Variants in CNRIP1 observed in about 807,000 individuals in gnomAD.
CNRIP1 encodes CB1 cannabinoid receptor-interacting protein 1.
CNRIP1 carries 10 observed loss-of-function variants against 15.2 expected under a neutral mutation model. That is an observed-to-expected ratio of 0.66 (90% CI 0.41 to 1.12). The LOEUF (loss-of-function observed/expected upper bound fraction) is 1.12. CNRIP1 is among the 50% of genes most tolerant of loss of function. The probability of loss-of-function intolerance (pLI) is 0.00; values close to 1 mark genes in which losing one functional copy is unlikely to be tolerated. For missense variants in CNRIP1, 211 were observed against 214.7 expected (o/e 0.98, Z 0.11); for synonymous variants, 91 against 83.2 (o/e 1.09, Z -0.51).
intron 2 of CNRIP1, among the ~76,000 whole-genome samples, chr2:68,306,321 C>CAAA (rs35066190): frequency 1.0e-3 from 90 of 85,738 alleles, no homozygotes; most frequent in African/African-American, 3.6e-3. Context: ...GATCCTATCT[C>CAAA]AAAAAAAAAA....
At chr2:68,312,826 A>G (rs1672142356) in intron 2 of CNRIP1, among the ~76,000 whole-genome samples, 1 of 152,184 alleles carries the variant, frequency 6.6e-6, no homozygotes, top group African/African-American at 2.4e-5. Flanking sequence ...ACATTATTCA[A>G]AAATATGAAA....
chr2:68,287,342 C>T (rs1261322290), intron 2 of CNRIP1, among the ~76,000 whole-genome samples: 1 of 152,092 alleles, frequency 6.6e-6, no homozygotes, highest in African/African-American at 2.4e-5. Flanking sequence ...GTTCATCTCT[C>T]CACCCCAAAA....
At chr2:68,290,024 CT>C (rs35429690), downstream of CNRIP1, among the ~76,000 whole-genome samples, 8,747 of 89,490 alleles carry the variant, frequency 0.098, 105 homozygotes, top group Middle Eastern at 0.18. Context: ...AGAATCTGAA[CT>C]TTTTTTTTTT....
intron 2 of CNRIP1, chr2:68,316,249 A>G (rs1672266838): frequency 6.6e-6 from 1 of 152,136 alleles, no homozygotes; most frequent in Non-Finnish European, 1.5e-5. Flanking sequence ...CCCTAGCTCT[A>G]CTGAGCTAAG....
intron 2 of CNRIP1, among the ~76,000 whole-genome samples, chr2:68,301,893 CAAAAA>C (rs61613452): frequency 0.013 from 964 of 74,258 alleles, 12 homozygotes; most frequent in African/African-American, 0.045. Context: ...GTCTCCGTCT[CAAAAA>C]AAAAAAAAAA....
At chr2:68,297,567 CA>C (rs112601365) in intron 2 of CNRIP1, among the ~76,000 whole-genome samples, 902 of 98,062 alleles carry the variant, frequency 9.2e-3, no homozygotes, top group African/African-American at 0.012. Flanking sequence ...GACACTGTCT[CA>C]AAAAAAAAAA....
At chr2:68,298,518 A>T (rs1217359175) in intron 2 of CNRIP1, among the ~76,000 whole-genome samples, 1 of 152,226 alleles carries the variant, frequency 6.6e-6, no homozygotes, top group Non-Finnish European at 1.5e-5. Flanking sequence ...GTCTAAAAAA[A>T]TTTTCAAAAG....
At chr2:68,288,511 T>C (rs1402456556), downstream of CNRIP1, among the ~76,000 whole-genome samples, 3 of 152,238 alleles carry the variant, frequency 2.0e-5, no homozygotes, top group Non-Finnish European at 4.4e-5. Context: ...CCAAAAATAC[T>C]GTATTTTTCA....
exon 3 of CNRIP1, chr2:68,284,275 A>G: frequency 2.0e-6 from 1 of 503,142 alleles, no homozygotes. Flanking sequence ...TAAGAGGTCT[A>G]AAAAGGTAGA....
chr2:68,298,463 CCCA>C (rs1573014174), intron 2 of CNRIP1, among the ~76,000 whole-genome samples: 1 of 152,028 alleles, frequency 6.6e-6, no homozygotes, highest in South Asian at 2.1e-4. Context: ...AAATAAAAAG[CCCA>C]CCAAGCTGAT....
At chr2:68,291,225 A>G (rs1485057688), downstream of CNRIP1, among the ~76,000 whole-genome samples, 1 of 152,072 alleles carries the variant, frequency 6.6e-6, no homozygotes, top group African/African-American at 2.4e-5. Flanking sequence ...CCCTTGATTC[A>G]ACCTTACTTC....
intron 2 of CNRIP1, among the ~76,000 whole-genome samples, chr2:68,315,510 G>A (rs920926992): frequency 3.9e-5 from 6 of 152,084 alleles, no homozygotes; most frequent in South Asian, 2.1e-4. Context: ...TTATAATACC[G>A]AAAACCAGAA....
chr2:68,300,473 C>T (rs1049965093), intron 2 of CNRIP1, among the ~76,000 whole-genome samples: 3 of 151,874 alleles, frequency 2.0e-5, no homozygotes, highest in East Asian at 1.9e-4. Context: ...AAAAATTAGC[C>T]GGGCGTGGTG....
downstream of CNRIP1, among the ~76,000 whole-genome samples, chr2:68,289,142 A>C (rs1214865315): frequency 6.6e-6 from 1 of 152,178 alleles, no homozygotes; most frequent in Non-Finnish European, 1.5e-5. Context: ...AGAAATTGAC[A>C]TCATTCTTGA....
At chr2:68,312,091 T>C (rs937948548) in intron 2 of CNRIP1, among the ~76,000 whole-genome samples, 2 of 151,866 alleles carry the variant, frequency 1.3e-5, no homozygotes, top group African/African-American at 2.4e-5. Flanking sequence ...TTCCAGAAAA[T>C]AGAAGAATGA....
downstream of CNRIP1, among the ~76,000 whole-genome samples, chr2:68,291,681 A>C (rs1366577089): frequency 6.6e-6 from 1 of 152,102 alleles, no homozygotes; most frequent in Admixed American, 6.5e-5. Flanking sequence ...GAGTTTGAGA[A>C]CAGCTTGACC....
exon 3 of CNRIP1, chr2:68,284,369 ATT>A: frequency 9.0e-7 from 1 of 1,116,600 alleles, no homozygotes; most frequent in Non-Finnish European, 1.2e-6. Flanking sequence ...AAAGCAAATA[ATT>A]TGGAAAAAAA....
chr2:68,318,922 G>T (rs965988393), intron 1 of CNRIP1, among the ~76,000 whole-genome samples: 6 of 152,392 alleles, frequency 3.9e-5, no homozygotes, highest in African/African-American at 1.4e-4. Flanking sequence ...AGGCTGGACA[G>T]AAGGCAGGAG....
intron 2 of CNRIP1, chr2:68,316,925 C>G: frequency 1.6e-6 from 1 of 625,960 alleles, no homozygotes; most frequent in South Asian, 1.9e-5. Flanking sequence ...CCAGAACCAT[C>G]TGCTTCTGCT....
Sources: gnomAD v4.1 joint callset for allele counts (sites outside exome capture counted in the v4.1 genomes callset) on GRCh38, gnomAD v4.1.1 for gene constraint, MANE v1.5 for transcripts, NCBI Gene and HGNC (gene_info 2026-07-23, HGNC 2026-07-21) for gene names.